GRIK3: variants seen among roughly 807,000 people sequenced by gnomAD.
GRIK3 encodes glutamate receptor ionotropic, kainate 3.
In GRIK3, 29 loss-of-function variants were observed where a neutral mutation model predicts 102.5. The observed-to-expected ratio is 0.28, with a 90% CI of 0.21 to 0.39. GRIK3 has a LOEUF of 0.39. Ranked by LOEUF, GRIK3 falls within the 10% of genes least tolerant of loss-of-function variation. The probability of loss-of-function intolerance (pLI) is 1.00; values close to 1 mark genes in which losing one functional copy is unlikely to be tolerated. For synonymous variants in GRIK3, 511 were observed against 504.9 expected (o/e 1.01, Z -0.16); for missense variants, 908 against 1,252.4 (o/e 0.73, Z 4.15).
chr1:36,978,615 C>A (rs10908319), intron 1 of GRIK3, among the ~76,000 whole-genome samples: 1 of 152,046 alleles, frequency 6.6e-6, no homozygotes. Flanking sequence ...CTGTGGTCTG[C>A]GGGGGTTAGC....
At chr1:36,804,664 A>G (rs1642478016) in intron 15 of GRIK3, 1 of 477,666 alleles carries the variant, frequency 2.1e-6, no homozygotes, top group Non-Finnish European at 3.7e-6. Flanking sequence ...TATGGTTTGA[A>G]TTAAGTTTTA....
intron 1 of GRIK3, among the ~76,000 whole-genome samples, chr1:36,920,711 C>G (rs371714078): frequency 1.3e-5 from 2 of 152,204 alleles, no homozygotes; most frequent in Admixed American, 1.3e-4. Context: ...GCCTCCGTGC[C>G]CCTCCAGAAG....
intron 2 of GRIK3, among the ~76,000 whole-genome samples, chr1:36,886,390 C>A (rs1641037506): frequency 6.6e-6 from 1 of 152,190 alleles, no homozygotes; most frequent in Non-Finnish European, 1.5e-5. Context: ...TTGCCCCAAG[C>A]CCCAGGTTCC....
chr1:36,953,928 G>C (rs1361027368), intron 1 of GRIK3, among the ~76,000 whole-genome samples: 1 of 152,146 alleles, frequency 6.6e-6, no homozygotes, highest in Non-Finnish European at 1.5e-5. Context: ...GACAATTAGA[G>C]GGCAGAGGAC....
At chr1:37,020,230 G>A (rs1019199935) in intron 1 of GRIK3, among the ~76,000 whole-genome samples, 3 of 152,074 alleles carry the variant, frequency 2.0e-5, no homozygotes, top group African/African-American at 7.2e-5. Context: ...CCCACCACAA[G>A]CCTTCCCAGA....
intron 15 of GRIK3, 72 bp downstream of exon 15, chr1:36,804,915 G>A (rs749576268): frequency 1.3e-6 from 2 of 1,554,066 alleles, no homozygotes; most frequent in East Asian, 2.3e-5. Context: ...TGTGTGCCTG[G>A]CACATACAGG....
intron 1 of GRIK3, among the ~76,000 whole-genome samples, chr1:36,935,864 C>A (rs1360380582): frequency 6.6e-6 from 1 of 152,160 alleles, no homozygotes; most frequent in African/African-American, 2.4e-5. Flanking sequence ...GATTCTAAAC[C>A]AATTAATCGC....
At chr1:37,029,955 T>C (rs778409844) in intron 1 of GRIK3, among the ~76,000 whole-genome samples, 1 of 152,234 alleles carries the variant, frequency 6.6e-6, no homozygotes, top group Non-Finnish European at 1.5e-5. Flanking sequence ...CCAGGGTGCC[T>C]GGCTCACCTT....
intron 1 of GRIK3, among the ~76,000 whole-genome samples, chr1:36,998,979 A>AGTGT (rs768062478): frequency 0.016 from 2,078 of 128,276 alleles, 47 homozygotes; most frequent in African/African-American, 0.06. Flanking sequence ...GAACTTTGGA[A>AGTGT]GTGTGTGTGT....
At chr1:36,879,450 A>G (rs1249177306) in intron 3 of GRIK3, among the ~76,000 whole-genome samples, 1 of 152,160 alleles carries the variant, frequency 6.6e-6, no homozygotes, top group African/African-American at 2.4e-5. Flanking sequence ...CTGTGGTGGC[A>G]CCACTGCACT....
At chr1:36,937,346 T>C (rs189627828) in intron 1 of GRIK3, among the ~76,000 whole-genome samples, 17 of 152,102 alleles carry the variant, frequency 1.1e-4, no homozygotes, top group Non-Finnish European at 1.8e-4. Context: ...AGTGGGAAAG[T>C]TGAGAAGGGA....
Position 36,874,651 on chromosome 1 carries a change from C to T in GRIK3, c.551-2282G>A, listed in dbSNP as rs185756240. Among the ~76,000 whole-genome samples, 53 of 152,266 alleles carry T rather than the reference C, an allele frequency of 3.5e-4. No individual in the cohort carries two copies. In the East Asian group the frequency reaches 9.1e-3, roughly 26 times the overall value. ...TGCTTCCCTTTCATATCTGTTACCC[C>T]GTGAGGTCCAGGGTGCACAGTTTGC... On this transcript the variant is annotated intron_variant, in intron 3 of 15. Coordinates refer to ENST00000373091, the MANE Select transcript of GRIK3 (RefSeq NM_000831.4).
chr1:36,823,199 C>G (rs371812876), intron 11 of GRIK3, among the ~76,000 whole-genome samples: 10 of 152,222 alleles, frequency 6.6e-5, no homozygotes, highest in African/African-American at 1.9e-4. Context: ...AACGGCCAGG[C>G]GTGATGGCTC....
chr1:36,875,253 T>TTATG (rs1553179074), intron 3 of GRIK3, among the ~76,000 whole-genome samples: 1 of 152,162 alleles, frequency 6.6e-6, no homozygotes, highest in South Asian at 2.1e-4. Context: ...CATCCCAGGT[T>TTATG]TTTGTTTGTT....
chr1:36,859,059 G>A (rs1261116342), intron 7 of GRIK3, 49 bp downstream of exon 7: 10 of 1,486,418 alleles, frequency 6.7e-6, no homozygotes, highest in Non-Finnish European at 9.2e-6. Flanking sequence ...GCTCTACAGG[G>A]CCCACAGTCC....
intron 1 of GRIK3, among the ~76,000 whole-genome samples, chr1:36,946,223 G>A (rs1641783018): frequency 6.6e-6 from 1 of 152,238 alleles, no homozygotes; most frequent in Non-Finnish European, 1.5e-5. Context: ...GGAGCCTGGG[G>A]CTGGAGGCAG....
intron 1 of GRIK3, among the ~76,000 whole-genome samples, chr1:36,947,362 C>T (rs1557436006): frequency 6.6e-6 from 1 of 152,188 alleles, no homozygotes; most frequent in Non-Finnish European, 1.5e-5. Context: ...ACTGCCACCC[C>T]TCCACGCTGG....
chr1:36,895,775 C>A (rs1372166098), intron 1 of GRIK3, among the ~76,000 whole-genome samples: 2 of 151,838 alleles, frequency 1.3e-5, no homozygotes, highest in African/African-American at 4.8e-5. Flanking sequence ...ATCCTTAGAG[C>A]ACACCAAGCA....
chr1:36,993,078 A>C (rs1642380069), intron 1 of GRIK3, among the ~76,000 whole-genome samples: 1 of 148,824 alleles, frequency 6.7e-6, no homozygotes, highest in South Asian at 2.3e-4. Flanking sequence ...AAAGGGGGCA[A>C]GGGGAGGGGC....
Sources: gnomAD v4.1 joint callset for allele counts (sites outside exome capture counted in the v4.1 genomes callset) on GRCh38, gnomAD v4.1.1 for gene constraint, MANE v1.5 for transcripts, NCBI Gene and HGNC (gene_info 2026-07-23, HGNC 2026-07-21) for gene names.